UBAP1L: variants seen among roughly 807,000 people sequenced by gnomAD.
UBAP1L encodes the protein ubiquitin-associated protein 1-like.
UBAP1L carries 32 observed loss-of-function variants against 32.1 expected under a neutral mutation model. The ratio of observed to expected loss-of-function variants is 1.00; its 90% CI spans 0.75 to 1.34. UBAP1L has a LOEUF of 1.34. Among genes scored for constraint, UBAP1L ranks in the 40% most tolerant of loss-of-function variants. UBAP1L has a pLI of 0.00. For synonymous variants in UBAP1L, 243 were observed against 250.2 expected (o/e 0.97, Z 0.27); for missense variants, 516 against 540.5 (o/e 0.95, Z 0.45).
intron 1 of UBAP1L, among the ~76,000 whole-genome samples, chr15:65,112,556 G>C (rs2087375312): frequency 6.6e-6 from 1 of 152,178 alleles, no homozygotes; most frequent in South Asian, 2.1e-4. Context: ...ATTGATTTAA[G>C]TGGGGCCCAG....
chr15:65,113,994 C>T (rs2140573824), intron 1 of UBAP1L, among the ~76,000 whole-genome samples: 1 of 152,176 alleles, frequency 6.6e-6, no homozygotes, highest in Non-Finnish European at 1.5e-5. Context: ...TCAATAGATT[C>T]TCCTGCCTCA....
rs1467775270 is a variant in UBAP1L at position 65,102,371 on chromosome 15, A to G, written c.434T>C (p.Leu145Pro). 8.1e-6 allele frequency: 12 copies of G among 1,473,304 alleles called. No individual in the cohort carries two copies. The highest frequency in any genetic ancestry group is 1.1e-5 in the Non-Finnish European group (12 of 1,120,636). 91.3% of individuals were successfully genotyped at this position (1,473,304 alleles called of 1,614,324 possible). A position where few individuals can be genotyped will look rare whatever the true frequency, so the allele number is the denominator to read the frequency against. The change falls in exon 3 of 6, where the codon CTG (leucine) becomes CCG (proline). Residue 145 changes from leucine (L) to proline (P), a missense_variant. Leu to Pro is a moderately conservative substitution (Grantham distance 98). Transcript: ENST00000559089. The surrounding 1 kb of genome is among the most constrained non-coding windows in gnomAD (Gnocchi z 5.0). Reference protein sequence around the residue: ...SPGPGRRLCSLDVLRGVRLEL... With the variant: ...SPGPGRRLCSPDVLRGVRLEL... Reference sequence around the variant, plus strand: ...CAACCGCACGCCGCGTAGCACGTCCAGCGAGCACAGGCGACGGCCGGGGCC... The same window carrying G: ...CAACCGCACGCCGCGTAGCACGTCCGGCGAGCACAGGCGACGGCCGGGGCC...
At chr15:65,099,835 T>C (rs1347448212) in intron 3 of UBAP1L, 121 bp from the exon 4 acceptor site, 1 of 835,008 alleles carries the variant, frequency 1.2e-6, no homozygotes, top group Non-Finnish European at 1.8e-6. Flanking sequence ...GCTAATATTA[T>C]GGAGGGCTTA....
At position 65,099,717 on chromosome 15, in the gene UBAP1L, G is replaced by A. The variant is rs1399443969; in HGVS notation, c.700-3C>T. 1 of 1,545,700 alleles carries A rather than the reference G, an allele frequency of 6.5e-7. No individual in the cohort carries two copies. The highest frequency in any genetic ancestry group is 8.7e-7 in the Non-Finnish European group (1 of 1,143,202). On this transcript the variant is annotated splice_polypyrimidine_tract_variant and splice_region_variant and intron_variant, in intron 3 of 5. Coordinates refer to ENST00000559089, the MANE Select transcript of UBAP1L (RefSeq NM_001163692.2). ...AGACAGGTGTACGGGCTGAGGGACT[G>A]AAATACAGACAGACTGGACATGTCA...
chr15:65,113,263 C>T (rs2087380736), intron 1 of UBAP1L, among the ~76,000 whole-genome samples: 1 of 152,162 alleles, frequency 6.6e-6, no homozygotes, highest in Admixed American at 6.5e-5. Context: ...TTCAATGGTT[C>T]CTGGCTGTTT....
chr15:65,102,292 G>C lies in UBAP1L; in HGVS notation c.513C>G (p.Pro171=). 1 of 1,404,074 alleles carries C rather than the reference G, an allele frequency of 7.1e-7. No homozygotes were observed. The highest frequency in any genetic ancestry group is 9.2e-7 in the Non-Finnish European group (1 of 1,087,034). The allele number at this position is 1,404,074 out of a possible 1,614,324, so 87.0% of individuals were successfully genotyped here. The part of the protein sequence containing the change: ...RLSEGKLVSR[P]RALLHGLRGH... ...CGCGGAGGCCATGCAGGAGGGCGCG[G>C]GGCCGGGAGACCAGCTTCCCCTCGG... The change falls in exon 3 of 6, where the codon CCC becomes CCG. Residue 171 remains proline (P), a synonymous_variant. Transcript: ENST00000559089. This position sits in a 1 kb window ranked among gnomAD's most constrained non-coding sequence, Gnocchi z 5.0.
chr15:65,102,454 A>G lies in UBAP1L; in HGVS notation c.351T>C (p.Ser117=), dbSNP rs1056087667. Residue 117 remains serine (S), a synonymous_variant, in exon 3 of 6, where the codon TCT becomes TCC. Transcript: ENST00000559089. The surrounding 1 kb of genome is among the most constrained non-coding windows in gnomAD (Gnocchi z 5.0). Reference sequence around the variant, plus strand: ...TGGGGGCCGGCTCTTCCTCGCTGCCAGAGGAGGCTTCTGCCTCGTCCTCAC... The same window carrying G: ...TGGGGGCCGGCTCTTCCTCGCTGCCGGAGGAGGCTTCTGCCTCGTCCTCAC... ...EEGEDEAEAS[S]GSEEEPAPSS... 41 of 1,424,264 alleles carry G rather than the reference A, an allele frequency of 2.9e-5. No homozygotes were observed. Among genetic ancestry groups the G allele is most frequent in the Non-Finnish European group, 3.8e-5 (41 of 1,089,434 alleles). 88.2% of individuals were successfully genotyped at this position (1,424,264 alleles called of 1,614,324 possible).
At chr15:65,110,358 C>CA (rs576079365) in intron 1 of UBAP1L, among the ~76,000 whole-genome samples, 102 of 143,958 alleles carry the variant, frequency 7.1e-4, no homozygotes, top group Non-Finnish European at 1.2e-3. Flanking sequence ...ACTCTGTCTC[C>CA]AAAAAACAAA....
chr15:65,108,787 T>A (rs985343471), intron 1 of UBAP1L, among the ~76,000 whole-genome samples: 4 of 137,188 alleles, frequency 2.9e-5, no homozygotes, highest in Non-Finnish European at 4.8e-5. Flanking sequence ...AAATTAAATT[T>A]AAAAAAACAC....
chr15:65,102,678 A>C lies in UBAP1L; in HGVS notation c.127T>G (p.Phe43Val), dbSNP rs1163754768. The stretch of plus-strand genomic sequence containing the variant: ...AAGAGTGCCGTCCTCTCCAGGCTGA[A>C]GTCGTGCTGCGGAAAGAAGGCGACG... ...GEVLLGSMHD[F>V]SLERTALFWV... The change falls in exon 3 of 6, where the codon TTC (phenylalanine) becomes GTC (valine). Residue 43 changes from phenylalanine to valine, a missense_variant. Phe to Val is a conservative substitution (Grantham distance 50, BLOSUM62 -1). Coordinates refer to ENST00000559089, the MANE Select transcript of UBAP1L (RefSeq NM_001163692.2). This position sits in a 1 kb window ranked among gnomAD's most constrained non-coding sequence, Gnocchi z 5.0. 1.4e-5 allele frequency: 21 copies of C among 1,546,908 alleles called. No individual in the cohort carries two copies. Among genetic ancestry groups the C allele is most frequent in the Non-Finnish European group, 1.8e-5 (21 of 1,146,640 alleles).
chr15:65,107,713 T>G (rs1466507583), intron 1 of UBAP1L, among the ~76,000 whole-genome samples: 1 of 128,454 alleles, frequency 7.8e-6, no homozygotes, highest in African/African-American at 3.0e-5. Context: ...CACTCCAGCC[T>G]GGGCAACAAG....
intron 1 of UBAP1L, 112 bp from the exon 2 acceptor site, chr15:65,106,500 A>G (rs1039487353): frequency 3.0e-5 from 9 of 301,916 alleles, no homozygotes; most frequent in Admixed American, 5.2e-5. Flanking sequence ...ATGGTCCACA[A>G]AACTAGTTCT....
Position 65,094,499 on chromosome 15 carries a change from C to A in UBAP1L, c.987G>T (p.Glu329Asp). ...YEEGLVDEAM[E>D]MFQFSESQAG... ...CCTGGCTCTCGGAGAACTGGAACAT[C>A]TCCATGGCCTCATCCACCAGGCCTT... Residue 329 changes from glutamate to aspartate, a missense_variant, in exon 5 of 6, where the codon GAG (glutamate) becomes GAT (aspartate). By Grantham distance (45) the Glu-to-Asp change is conservative (BLOSUM62 2). Coordinates refer to ENST00000559089, the MANE Select transcript of UBAP1L (RefSeq NM_001163692.2). This position sits in a 1 kb window ranked among gnomAD's most constrained non-coding sequence, Gnocchi z 4.2. 6.4e-7 allele frequency: 1 copy of A among 1,551,370 alleles called. No individual in the cohort carries two copies.
In UBAP1L at chr15:65,102,395, C is replaced by A; in HGVS notation, c.410G>T (p.Gly137Val). 1 of 1,429,868 alleles carries A rather than the reference C, an allele frequency of 7.0e-7. No homozygotes were observed. The highest frequency in any genetic ancestry group is 9.1e-7 in the Non-Finnish European group (1 of 1,098,520). 88.6% of individuals were successfully genotyped at this position (1,429,868 alleles called of 1,614,324 possible). A position where few individuals can be genotyped will look rare whatever the true frequency, so the allele number is the denominator to read the frequency against. The stretch of plus-strand genomic sequence containing the variant: ...CAGCGAGCACAGGCGACGGCCGGGG[C>A]CGGGGCTCGCCGGGGAGCCCGGTTG... Reference protein sequence around the residue: ...SLQPGSPASPGPGRRLCSLDV... With the variant: ...SLQPGSPASPVPGRRLCSLDV... Residue 137 changes from glycine (G) to valine (V), a missense_variant, in exon 3 of 6, where the codon GGC (glycine) becomes GTC (valine). Coordinates refer to ENST00000559089, the MANE Select transcript of UBAP1L (RefSeq NM_001163692.2). This position sits in a 1 kb window ranked among gnomAD's most constrained non-coding sequence, Gnocchi z 5.0.
At chr15:65,112,836 A>G (rs2087377450) in intron 1 of UBAP1L, among the ~76,000 whole-genome samples, 1 of 152,142 alleles carries the variant, frequency 6.6e-6, no homozygotes, top group Non-Finnish European at 1.5e-5. Context: ...AGCCAGGTGC[A>G]CGAGTACTCA....
intron 1 of UBAP1L, among the ~76,000 whole-genome samples, chr15:65,113,857 C>A (rs1462033486): frequency 6.6e-6 from 1 of 152,194 alleles, no homozygotes; most frequent in Non-Finnish European, 1.5e-5. Context: ...TTGGTCAGGT[C>A]TACCTAGCAC....
In UBAP1L at chr15:65,102,163, CG is replaced by C; in HGVS notation, c.641del (p.Pro214ArgfsTer55). The C allele has an allele frequency of 1.7e-6, 2 of 1,182,096 alleles. No homozygotes were observed. Among genetic ancestry groups the C allele is most frequent in the Non-Finnish European group, 2.1e-6 (2 of 955,258 alleles). The allele number at this position is 1,182,096 out of a possible 1,614,324, so 73.2% of individuals were successfully genotyped here. A position where few individuals can be genotyped will look rare whatever the true frequency, so the allele number is the denominator to read the frequency against. ...GGATGGCGCCTGCCGTGGAGGGCCG[CG>C]GGGGCGACGCGGGGGCGGCGGGGTG... The part of the protein sequence containing the change: ...PQHPAAPASP[P>X]RPSTAGAIPP... On this transcript the variant is annotated frameshift_variant, in exon 3 of 6. Coordinates refer to ENST00000559089, the MANE Select transcript of UBAP1L (RefSeq NM_001163692.2). LOFTEE classifies it high-confidence loss of function. The surrounding 1 kb of genome is among the most constrained non-coding windows in gnomAD (Gnocchi z 5.0).
At position 65,102,373 on chromosome 15, in the gene UBAP1L, C is replaced by A. The variant is rs1198846932; in HGVS notation, c.432G>T (p.Ser144=). 6.8e-7 allele frequency: 1 copy of A among 1,464,220 alleles called. No individual in the cohort carries two copies. Among genetic ancestry groups the A allele is most frequent in the Admixed American group, 2.6e-5 (1 of 37,766 alleles). The allele number at this position is 1,464,220 out of a possible 1,614,324, so 90.7% of individuals were successfully genotyped here. The change falls in exon 3 of 6, where the codon TCG becomes TCT. Residue 144 remains serine, a synonymous_variant. Transcript: ENST00000559089. This position sits in a 1 kb window ranked among gnomAD's most constrained non-coding sequence, Gnocchi z 5.0. ...ASPGPGRRLC[S]LDVLRGVRLE... Reference sequence around the variant, plus strand: ...ACCGCACGCCGCGTAGCACGTCCAGCGAGCACAGGCGACGGCCGGGGCCGG... The same window carrying A: ...ACCGCACGCCGCGTAGCACGTCCAGAGAGCACAGGCGACGGCCGGGGCCGG...
At position 65,102,472 on chromosome 15, in the gene UBAP1L, G is replaced by A. The variant is rs1181428548; in HGVS notation, c.333C>T (p.Asp111=). Reference sequence around the variant, plus strand: ...CGCTGCCAGAGGAGGCTTCTGCCTCGTCCTCACCCTCCTCCTCCGGCCTCT... The same window carrying A: ...CGCTGCCAGAGGAGGCTTCTGCCTCATCCTCACCCTCCTCCTCCGGCCTCT... ...HQERPEEEGE[D]EAEASSGSEE... Residue 111 remains aspartate, a synonymous_variant, in exon 3 of 6, where the codon GAC becomes GAT. Coordinates refer to ENST00000559089, the MANE Select transcript of UBAP1L (RefSeq NM_001163692.2). The surrounding 1 kb of genome is among the most constrained non-coding windows in gnomAD (Gnocchi z 5.0). The A allele has an allele frequency of 4.2e-6, 6 of 1,437,824 alleles. No individual in the cohort carries two copies. The African/African-American group carries it at 7.4e-5, about 18-fold the overall frequency. 89.1% of individuals were successfully genotyped at this position (1,437,824 alleles called of 1,614,324 possible).
Sources: allele counts gnomAD v4.1 joint callset (sites outside exome capture counted in the v4.1 genomes callset), GRCh38; gene constraint gnomAD v4.1.1; non-coding constraint Gnocchi (gnomAD v3.1); transcripts MANE v1.5; gene names NCBI Gene and HGNC (gene_info 2026-07-23, HGNC 2026-07-21).